NEDD9: variants seen among roughly 807,000 people sequenced by gnomAD.
NEDD9 encodes the protein enhancer of filamentation 1.
NEDD9 carries 26 observed loss-of-function variants against 76.6 expected under a neutral mutation model. The observed-to-expected ratio is 0.34, with a 90% CI of 0.25 to 0.47. The LOEUF (loss-of-function observed/expected upper bound fraction) is 0.47. Ranked by LOEUF, NEDD9 falls within the 20% of genes least tolerant of loss-of-function variation. The pLI, the probability that NEDD9 is intolerant of heterozygous loss-of-function variation, is 1.00. For missense variants in NEDD9, 937 were observed against 1,058.5 expected, an observed-to-expected ratio of 0.89 and a Z score of 1.59; for synonymous variants, 392 against 414.2, an observed-to-expected ratio of 0.95 and a Z score of 0.65.
intron 6 of NEDD9, among the ~76,000 whole-genome samples, chr6:11,187,699 T>G (rs1335331486): frequency 6.6e-6 from 1 of 152,204 alleles, no homozygotes; most frequent in East Asian, 1.9e-4. Context: ...AGTGGCCATT[T>G]ATGGGTTCTG....
intron 3 of NEDD9, among the ~76,000 whole-genome samples, chr6:11,266,111 G>C (rs1470679480): frequency 1.3e-5 from 2 of 152,172 alleles, no homozygotes; most frequent in Admixed American, 1.3e-4. Context: ...GTGATGGATA[G>C]GCTAAAGCCC....
intron 3 of NEDD9, among the ~76,000 whole-genome samples, chr6:11,260,747 T>C (rs1410553892): frequency 6.6e-6 from 1 of 152,180 alleles, no homozygotes; most frequent in Non-Finnish European, 1.5e-5. Context: ...GAAGATGATA[T>C]AAAAAGTGTG....
At chr6:11,300,736 A>G (rs1582008776) in intron 3 of NEDD9, among the ~76,000 whole-genome samples, 1 of 152,220 alleles carries the variant, frequency 6.6e-6, no homozygotes. Context: ...AGAATTTTCA[A>G]CCCAGAATCT....
intron 3 of NEDD9, chr6:11,248,818 C>T: frequency 7.2e-6 from 2 of 279,014 alleles, no homozygotes; most frequent in South Asian, 7.5e-5. Flanking sequence ...CCTGGGATGG[C>T]TCTGCTACCT....
At chr6:11,242,371 G>C (rs572515010) in intron 3 of NEDD9, among the ~76,000 whole-genome samples, 1 of 152,272 alleles carries the variant, frequency 6.6e-6, no homozygotes, top group South Asian at 2.1e-4. Context: ...TTGCAAGGGT[G>C]TTCTTGAACC....
chr6:11,185,280 A>T lies in NEDD9; in HGVS notation c.2387T>A (p.Met796Lys). The T allele has an allele frequency of 1.2e-6, 2 of 1,614,112 alleles. No homozygotes were observed. Among genetic ancestry groups the T allele is most frequent in the Non-Finnish European group, 1.7e-6 (2 of 1,180,024 alleles). Residue 796 changes from methionine (M) to lysine (K), a missense_variant, in exon 7 of 7, where the codon ATG (methionine) becomes AAG (lysine). By Grantham distance (95) the Met-to-Lys change is moderately conservative. Transcript: ENST00000379446. ...GGTGCTGGGGTAATGGAGGGCGGCCATCTTGGTTGCCATGACTATGGTCTT... is the reference window on the plus strand; with the variant it reads ...GGTGCTGGGGTAATGGAGGGCGGCCTTCTTGGTTGCCATGACTATGGTCTT... ...QLKTIVMATK[M>K]AALHYPSTTA...
chr6:11,255,264 G>A (rs565822642), intron 3 of NEDD9, among the ~76,000 whole-genome samples: 4 of 152,326 alleles, frequency 2.6e-5, no homozygotes, highest in Admixed American at 1.3e-4. Flanking sequence ...ATGTGTGGTC[G>A]GAGGGATTCT....
chr6:11,193,538 G>T, intron 3 of NEDD9, 53 bp downstream of exon 3: 1 of 1,376,056 alleles, frequency 7.3e-7, no homozygotes, highest in African/African-American at 1.4e-5. Context: ...AGCCCTGAAG[G>T]AATGCTACCC....
intron 3 of NEDD9, among the ~76,000 whole-genome samples, chr6:11,298,583 C>T (rs1196248632): frequency 1.3e-5 from 2 of 152,144 alleles, no homozygotes; most frequent in Non-Finnish European, 2.9e-5. Flanking sequence ...CTCCCTGTAT[C>T]TCTCTGTTTT....
At chr6:11,216,819 T>G (rs1176263011) in intron 1 of NEDD9, among the ~76,000 whole-genome samples, 1 of 152,236 alleles carries the variant, frequency 6.6e-6, no homozygotes, top group Admixed American at 6.5e-5. Flanking sequence ...CTTGGTCCTA[T>G]TCCAATGATG....
chr6:11,328,669 T>G (rs1561836617), intron 2 of NEDD9: 1 of 152,276 alleles, frequency 6.6e-6, no homozygotes, highest in African/African-American at 2.4e-5. Flanking sequence ...AAGGCCGGTG[T>G]GCAGCAGCCG....
At chr6:11,305,005 C>G (rs1761143648) in intron 3 of NEDD9, 1 of 1,120,772 alleles carries the variant, frequency 8.9e-7, no homozygotes, top group Non-Finnish European at 1.2e-6. Flanking sequence ...TAATGCCTTC[C>G]AGGGAAATCC....
chr6:11,307,869 T>C (rs1761237588), intron 2 of NEDD9, among the ~76,000 whole-genome samples: 1 of 151,798 alleles, frequency 6.6e-6, no homozygotes, highest in Admixed American at 6.6e-5. Flanking sequence ...TGCACCGGGG[T>C]CTCTGTGTTG....
chr6:11,232,576 G>GT lies in NEDD9; in HGVS notation c.-62dup, dbSNP rs1310968198. On this transcript the variant is annotated 5_prime_UTR_variant, in exon 1 of 7. It removes the in-frame stop codon of an upstream open reading frame in the 5' UTR. Transcript: ENST00000379446. The stretch of plus-strand genomic sequence containing the variant: ...AGTTAAGACAGCATTAAGCACTGCG[G>GT]TGCCCGCCCCTCCATTGAGTGCAGC... 1.5e-5 allele frequency: 24 copies of GT among 1,613,594 alleles called. No individual in the cohort carries two copies. The African/African-American group carries it at 2.9e-4, about 20-fold the overall frequency.
chr6:11,345,771 C>T (rs986297937), intron 1 of NEDD9, among the ~76,000 whole-genome samples: 1 of 152,194 alleles, frequency 6.6e-6, no homozygotes, highest in Non-Finnish European at 1.5e-5. Flanking sequence ...GTTGCAAACA[C>T]CAATACAGTA....
At chr6:11,261,772 T>C (rs529773574) in intron 3 of NEDD9, among the ~76,000 whole-genome samples, 2 of 151,202 alleles carry the variant, frequency 1.3e-5, no homozygotes, top group Non-Finnish European at 2.9e-5. Flanking sequence ...TTATTTTCTC[T>C]CTTCCCCTTG....
rs188213294 is a variant in NEDD9, at chr6:11,242,635, A to G, written c.13-28908T>C. Among the ~76,000 whole-genome samples, 114 of 149,620 alleles carry G rather than the reference A, an allele frequency of 7.6e-4. 3 individuals are homozygous for G. In the East Asian group the frequency reaches 0.017, roughly 22 times the overall value. ...CCTTTTTATCCAGACAGCTCTGTGC[A>G]TTTTTTTTCTCTCCTCTCAAGCCCA... On this transcript the variant is annotated intron_variant, in intron 3 of 3. Coordinates refer to the NEDD9 transcript ENST00000397378.
intron 1 of NEDD9, among the ~76,000 whole-genome samples, chr6:11,372,244 A>G (rs1762891805): frequency 1.3e-5 from 2 of 152,036 alleles, no homozygotes; most frequent in South Asian, 4.1e-4. Flanking sequence ...AAGTGAGAAC[A>G]TGTGAAATTT....
intron 3 of NEDD9, among the ~76,000 whole-genome samples, chr6:11,291,333 G>C (rs1386896669): frequency 7.0e-6 from 1 of 142,230 alleles, no homozygotes; most frequent in Non-Finnish European, 1.5e-5. Context: ...GGAGTGCAGT[G>C]GCACAATCTC....
Sources: gnomAD v4.1 joint callset for allele counts (sites outside exome capture counted in the v4.1 genomes callset) on GRCh38, gnomAD v4.1.1 for gene constraint, MANE v1.5 for transcripts, NCBI Gene and HGNC (gene_info 2026-07-23, HGNC 2026-07-21) for gene names.